Variants in CLINT1 observed in about 807,000 individuals in gnomAD.
CLINT1 encodes clathrin interactor 1, also known as clathrin interacting protein localized in the trans-Golgi region.
A neutral mutation model predicts 70.4 loss-of-function variants in CLINT1; 15 were observed. The ratio of observed to expected loss-of-function variants is 0.21; its 90% CI spans 0.14 to 0.33. The LOEUF (loss-of-function observed/expected upper bound fraction) is 0.33. CLINT1 is among the 10% of genes least tolerant of loss of function. The pLI, the probability that CLINT1 is intolerant of heterozygous loss-of-function variation, is 1.00. For synonymous variants in CLINT1, 227 were observed against 254.7 expected, an observed-to-expected ratio of 0.89 and a Z score of 1.04; for missense variants, 615 against 778.1, an observed-to-expected ratio of 0.79 and a Z score of 2.49.
At chr5:157,788,837 G>A (rs1761805655) in intron 11 of CLINT1, among the ~76,000 whole-genome samples, 1 of 151,934 alleles carries the variant, frequency 6.6e-6, no homozygotes, top group Admixed American at 6.6e-5. Context: ...GTGTGGCGGT[G>A]CACGCCTGTA....
rs960252732 is a variant in CLINT1 at position 157,834,775 on chromosome 5, T to C, written c.42-17228A>G. ...TAATTTCCCCCTTCCTTTGATCAAA[T>C]CCAACATTACATTTTTAAACTCTTA... On this transcript the variant is annotated intron_variant, in intron 1 of 11. Coordinates refer to ENST00000411809, the MANE Select transcript of CLINT1 (RefSeq NM_014666.4). 9.2e-5 allele frequency among the ~76,000 whole-genome samples: 14 copies of C among 152,182 alleles called. No individual in the cohort carries two copies. The East Asian group carries it at 2.1e-3, about 23-fold the overall frequency.
At position 157,809,816 on chromosome 5, in the gene CLINT1, C is replaced by G; in HGVS notation, c.518-11G>C. The G allele has an allele frequency of 6.2e-7, 1 of 1,601,546 alleles. No individual in the cohort carries two copies. The highest frequency in any genetic ancestry group is 2.3e-5 in the East Asian group (1 of 44,380). ...GATCATATCTTTCACCTAGATAGAG[C>G]ATTAAAAAAAGAAGCAATTCTAACG... is the stretch of plus-strand genomic sequence containing the variant. On this transcript the variant is annotated splice_polypyrimidine_tract_variant and intron_variant, in intron 5 of 11. Coordinates refer to ENST00000411809, the MANE Select transcript of CLINT1 (RefSeq NM_014666.4).
chr5:157,808,875 T>C (rs959765845), intron 6 of CLINT1, among the ~76,000 whole-genome samples: 1 of 152,118 alleles, frequency 6.6e-6, no homozygotes, highest in African/African-American at 2.4e-5. Flanking sequence ...ATATATAAAC[T>C]TCATTATCCC....
intron 1 of CLINT1, among the ~76,000 whole-genome samples, chr5:157,831,092 C>T (rs1292838632): frequency 2.0e-5 from 3 of 151,710 alleles, no homozygotes; most frequent in Non-Finnish European, 4.4e-5. Flanking sequence ...GTAATCCTTT[C>T]AAAATTCTCA....
intron 5 of CLINT1, among the ~76,000 whole-genome samples, chr5:157,810,960 T>C (rs539578288): frequency 9.8e-5 from 15 of 152,310 alleles, no homozygotes; most frequent in Admixed American, 5.2e-4. Context: ...TTTTAACATA[T>C]TTACTGAATC....
intron 9 of CLINT1, among the ~76,000 whole-genome samples, chr5:157,794,157 C>A (rs563293597): frequency 6.6e-6 from 1 of 152,162 alleles, no homozygotes; most frequent in East Asian, 1.9e-4. Context: ...CTAATACATA[C>A]CTCTATAGAC....
At chr5:157,806,292 G>A (rs1384493930) in intron 6 of CLINT1, among the ~76,000 whole-genome samples, 180 bp from the exon 7 acceptor site, 2 of 152,032 alleles carry the variant, frequency 1.3e-5, no homozygotes, top group Non-Finnish European at 2.9e-5. Flanking sequence ...TGTGCGCTGG[G>A]GAGGGGAAGT....
chr5:157,816,120 C>T (rs1187423536), intron 3 of CLINT1, among the ~76,000 whole-genome samples: 1 of 152,042 alleles, frequency 6.6e-6, no homozygotes, highest in Non-Finnish European at 1.5e-5. Flanking sequence ...AAAAATGAAA[C>T]TAACACATAG....
intron 1 of CLINT1, among the ~76,000 whole-genome samples, chr5:157,830,799 T>TCTCTCTCTCC (rs1453689157): frequency 2.9e-5 from 3 of 104,922 alleles, no homozygotes; most frequent in African/African-American, 9.4e-5. Context: ...TCTCTCTCTA[T>TCTCTCTCTCC]ATATATATAT....
intron 1 of CLINT1, among the ~76,000 whole-genome samples, chr5:157,852,357 T>C (rs1056818667): frequency 6.6e-6 from 1 of 152,200 alleles, no homozygotes; most frequent in African/African-American, 2.4e-5. Flanking sequence ...AACAGAGGTA[T>C]TTAAATTAGC....
chr5:157,825,373 C>T (rs995368371), intron 1 of CLINT1, among the ~76,000 whole-genome samples: 2 of 151,906 alleles, frequency 1.3e-5, no homozygotes, highest in Non-Finnish European at 2.9e-5. Context: ...CAGGAATTTG[C>T]ACAAAAATAT....
intron 8 of CLINT1, among the ~76,000 whole-genome samples, chr5:157,799,822 C>G (rs1322388638): frequency 6.6e-6 from 1 of 152,032 alleles, no homozygotes; most frequent in African/African-American, 2.4e-5. Context: ...TAAGGTATAG[C>G]CTATTACTCC....
Position 157,787,427 on chromosome 5 carries a change from G to A in CLINT1, c.*219C>T, listed in dbSNP as rs190185289. On this transcript the variant is annotated 3_prime_UTR_variant, in exon 12 of 12. Transcript: ENST00000411809. ...CACCCACTTGTGGTCTATCCTCACT[G>A]GAAAAAAATGATTTTGACTGCCTCA... The A allele has an allele frequency of 1.5e-4, 85 of 579,390 alleles. No individual in the cohort carries two copies. The East Asian group carries it at 2.3e-3, about 16-fold the overall frequency. The allele number at this position is 579,390 out of a possible 1,614,324, so 35.9% of individuals were successfully genotyped here. A position where few individuals can be genotyped will look rare whatever the true frequency, so the allele number is the denominator to read the frequency against.
At chr5:157,800,927 A>G (rs1762193100) in intron 8 of CLINT1, among the ~76,000 whole-genome samples, 3 of 152,334 alleles carry the variant, frequency 2.0e-5, no homozygotes, top group South Asian at 4.1e-4. Context: ...TTGCTCCATT[A>G]AAACTTTTCA....
intron 7 of CLINT1, among the ~76,000 whole-genome samples, chr5:157,804,800 G>A (rs1190690654): frequency 6.6e-6 from 1 of 152,022 alleles, no homozygotes; most frequent in Non-Finnish European, 1.5e-5. Context: ...GGTGGTGCAT[G>A]CCTGTAATCT....
intron 1 of CLINT1, among the ~76,000 whole-genome samples, chr5:157,851,686 C>CA (rs34229522): frequency 0.28 from 24,897 of 88,412 alleles, 2,608 homozygotes; most frequent in Middle Eastern, 0.35. Flanking sequence ...GACCCCGTCT[C>CA]AAAAAAAAAA....
intron 1 of CLINT1, among the ~76,000 whole-genome samples, chr5:157,839,388 G>T (rs565199647): frequency 6.6e-6 from 1 of 152,174 alleles, no homozygotes; most frequent in Admixed American, 6.5e-5. Context: ...ATCACTTGAA[G>T]CCAGGGGTTC....
intron 1 of CLINT1, among the ~76,000 whole-genome samples, chr5:157,840,583 T>C (rs1199113453): frequency 6.8e-6 from 1 of 147,674 alleles, no homozygotes; most frequent in Non-Finnish European, 1.5e-5. Flanking sequence ...TGTGTGTGTA[T>C]GTGTGTGCGT....
At chr5:157,852,123 TTTA>T (rs1455133562) in intron 1 of CLINT1, among the ~76,000 whole-genome samples, 4 of 152,244 alleles carry the variant, frequency 2.6e-5, no homozygotes, top group Non-Finnish European at 4.4e-5. Context: ...AATAAATCTT[TTTA>T]TGTTTTAGTA....
Sources: gnomAD v4.1 joint callset for allele counts (sites outside exome capture counted in the v4.1 genomes callset) on GRCh38, gnomAD v4.1.1 for gene constraint, MANE v1.5 for transcripts, NCBI Gene and HGNC (gene_info 2026-07-23, HGNC 2026-07-21) for gene names.